Variants in CAPN2 observed in about 807,000 individuals in gnomAD.
CAPN2 encodes the protein calpain-2 catalytic subunit.
CAPN2 carries 92 observed loss-of-function variants against 102.3 expected under a neutral mutation model. The observed-to-expected ratio is 0.90, with a 90% CI of 0.76 to 1.07. The LOEUF is 1.07. Ranked by LOEUF, CAPN2 falls within the 50% of genes least tolerant of loss-of-function variation. The probability of loss-of-function intolerance (pLI) is 0.00; values close to 1 mark genes in which losing one functional copy is unlikely to be tolerated. For missense variants in CAPN2, 800 were observed against 909.4 expected, an observed-to-expected ratio of 0.88 and a Z score of 1.55; for synonymous variants, 340 against 355.4, an observed-to-expected ratio of 0.96 and a Z score of 0.49.
At position 223,774,991 on chromosome 1, in the gene CAPN2, A is replaced by G. The variant is rs1239062295; in HGVS notation, c.*134A>G. 7 of 749,244 alleles carry G rather than the reference A, an allele frequency of 9.3e-6. No homozygotes were observed. The East Asian group carries it at 1.7e-4, about 19-fold the overall frequency. The allele number at this position is 749,244 out of a possible 1,614,324, so 46.4% of individuals were successfully genotyped here. ...ACTTAAACGGATGATCATAGCTGAAAATAATGATACTGTCAATTTGAGATA... is the reference window on the plus strand; with the variant it reads ...ACTTAAACGGATGATCATAGCTGAAGATAATGATACTGTCAATTTGAGATA... On this transcript the variant is annotated 3_prime_UTR_variant, in exon 21 of 21. Transcript: ENST00000295006.
chr1:223,765,421 G>A (rs961879466), intron 15 of CAPN2, among the ~76,000 whole-genome samples: 48 of 152,218 alleles, frequency 3.2e-4, no homozygotes, highest in African/African-American at 1.1e-3. Flanking sequence ...TTACCCTGGA[G>A]GCCACCAGGC....
intron 6 of CAPN2, 88 bp downstream of exon 6, chr1:223,749,210 C>A: frequency 1.7e-6 from 2 of 1,174,584 alleles, no homozygotes; most frequent in Non-Finnish European, 2.5e-6. Context: ...GGGGCCCGCG[C>A]GGCCCCACGG....
chr1:223,706,919 A>G (rs1470635624), intron 1 of CAPN2, among the ~76,000 whole-genome samples: 1 of 152,042 alleles, frequency 6.6e-6, no homozygotes, highest in African/African-American at 2.4e-5. Flanking sequence ...GTCTCTATTA[A>G]AAATACAAAA....
rs1356984697 is a variant in CAPN2 at position 223,727,459 on chromosome 1, G to A, written c.307+9628G>A. On this transcript the variant is annotated intron_variant, in intron 2 of 20. Transcript: ENST00000295006. This position sits in a 1 kb window ranked among gnomAD's most constrained non-coding sequence, Gnocchi z 4.1. ...CCTGGGGGCTTGGCGGAGTTGGGGG[G>A]TGCATGGAATGCCCCCAGTTGAGAA... Among the ~76,000 whole-genome samples, 9 of 152,114 alleles carry A rather than the reference G, an allele frequency of 5.9e-5. No homozygotes were observed. Among genetic ancestry groups the A allele is most frequent in the Non-Finnish European group, 1.0e-4 (7 of 68,022 alleles).
chr1:223,707,342 G>C lies in CAPN2; in HGVS notation c.3+5511G>C, dbSNP rs537455515. On this transcript the variant is annotated intron_variant, in intron 1 of 20. Coordinates refer to the CAPN2 transcript ENST00000433674. ...AGTGGCCCAGACCCAGGCAGTTCTG[G>C]ATAATCCCAGCTGTTTCTGACTCAC... Among the ~76,000 whole-genome samples the C allele has an allele frequency of 3.3e-4, 50 of 151,824 alleles. No homozygotes were observed. The South Asian group carries it at 0.01, about 31-fold the overall frequency.
chr1:223,730,780 C>T (rs1260531102), intron 2 of CAPN2, among the ~76,000 whole-genome samples: 3 of 152,194 alleles, frequency 2.0e-5, no homozygotes, highest in African/African-American at 7.2e-5. Flanking sequence ...ATCCCCTTGA[C>T]TAAGGGGGCA....
chr1:223,725,492 T>C lies in CAPN2; in HGVS notation c.307+7661T>C, dbSNP rs1322801307. 6.6e-6 allele frequency among the ~76,000 whole-genome samples: 1 copy of C among 152,220 alleles called. No homozygotes were observed. Among genetic ancestry groups the C allele is most frequent in the African/African-American group, 2.4e-5 (1 of 41,454 alleles). On this transcript the variant is annotated intron_variant, in intron 2 of 20. Coordinates refer to ENST00000295006, the MANE Select transcript of CAPN2 (RefSeq NM_001748.5). This position sits in a 1 kb window ranked among gnomAD's most constrained non-coding sequence, Gnocchi z 4.1. The stretch of plus-strand genomic sequence containing the variant: ...TGGTACATAGTAAAGGTTTAATCCA[T>C]GCAGATTGCACGTTCTCTTTGGGGA...
Position 223,712,693 on chromosome 1 carries a change from T to C in CAPN2, c.53T>C (p.Leu18Pro). The change falls in exon 1 of 21, where the codon CTG (leucine) becomes CCG (proline). Residue 18 changes from leucine to proline, a missense_variant. By Grantham distance (98) the Leu-to-Pro change is moderately conservative. Coordinates refer to ENST00000295006, the MANE Select transcript of CAPN2 (RefSeq NM_001748.5). ...AAGGACCGGGAGGCGGCCGAGGGGC[T>C]GGGCTCCCACGACAGGGCCATCAAG... Reference protein sequence around the residue: ...LAKDREAAEGLGSHDRAIKYL... With the variant: ...LAKDREAAEGPGSHDRAIKYL... 6.4e-7 allele frequency: 1 copy of C among 1,571,132 alleles called. No homozygotes were observed. Among genetic ancestry groups the C allele is most frequent in the South Asian group, 1.2e-5 (1 of 84,926 alleles).
At chr1:223,711,511 G>A (rs1344290305), upstream of CAPN2, among the ~76,000 whole-genome samples, 1 of 152,202 alleles carries the variant, frequency 6.6e-6, no homozygotes, top group Non-Finnish European at 1.5e-5. Context: ...GTATGCCCAT[G>A]CAATATTTGG....
chr1:223,758,625 AC>A (rs992629060), intron 11 of CAPN2: 1 of 150,472 alleles, frequency 6.6e-6, no homozygotes, highest in Non-Finnish European at 1.5e-5. Context: ...TGGATGTGAA[AC>A]CCCTGTGGGC....
chr1:223,714,621 TAAAA>T (rs373544472), intron 1 of CAPN2, among the ~76,000 whole-genome samples: 1 of 130,968 alleles, frequency 7.6e-6, no homozygotes, highest in African/African-American at 2.9e-5. Context: ...TATAAAAAAG[TAAAA>T]AAAAAAAAAA....
intron 2 of CAPN2, among the ~76,000 whole-genome samples, chr1:223,741,421 GTATATATATATATAA>G (rs1660607261): frequency 7.8e-6 from 1 of 128,488 alleles, no homozygotes; most frequent in African/African-American, 3.2e-5. Context: ...GCTGTAAAAT[GTATATATATATATAA>G]TGTGTATATA....
rs17600 is a variant in CAPN2, at chr1:223,747,018, G to A, written c.582G>A (p.Ala194=). The change falls in exon 5 of 21, where the codon GCG becomes GCA. Residue 194 remains alanine (A), a synonymous_variant. Transcript: ENST00000295006. ...GTAGGATCAACGGATGCTATGAAGC[G>A]CTATCAGGGGGTGCCACCACTGAGG... ...AYAKINGCYE[A]LSGGATTEGF... is the part of the protein sequence containing the mutation. 0.87 allele frequency: 1,401,778 copies of A among 1,613,238 alleles called. 621,133 individuals are homozygous for A. The highest frequency in any genetic ancestry group is 0.93 in the South Asian group (84,281 of 91,026).
intron 2 of CAPN2, among the ~76,000 whole-genome samples, chr1:223,720,544 T>G (rs542315732): frequency 6.6e-6 from 1 of 152,146 alleles, no homozygotes; most frequent in Non-Finnish European, 1.5e-5. Context: ...CTTGAACTTC[T>G]GAGCTCAAGT....
intron 2 of CAPN2, among the ~76,000 whole-genome samples, chr1:223,740,311 A>G (rs554046241): frequency 5.4e-4 from 83 of 152,320 alleles, no homozygotes; most frequent in African/African-American, 2.0e-3. Flanking sequence ...TTACTCAGCA[A>G]GGACATTTTT....
rs748380431 is a variant in CAPN2 at position 223,752,808 on chromosome 1, T to C, written c.987T>C (p.Ser329=). The C allele has an allele frequency of 1.5e-5, 25 of 1,614,106 alleles. No individual in the cohort carries two copies. Among genetic ancestry groups the C allele is most frequent in the Non-Finnish European group, 2.0e-5 (24 of 1,179,976 alleles). ...CTGCTTTTGCCAGGATGTCTTTCAG[T>C]GACTTCCTGAGGCACTATTCCCGCC... ...HEDGEFWMSF[S]DFLRHYSRLE... is the part of the protein sequence containing the mutation. The change falls in exon 9 of 21, where the codon AGT becomes AGC. Residue 329 remains serine, a synonymous_variant. Transcript: ENST00000295006.
intron 1 of CAPN2, among the ~76,000 whole-genome samples, chr1:223,717,187 C>A (rs1659899893): frequency 1.3e-5 from 2 of 152,112 alleles, no homozygotes; most frequent in Admixed American, 1.3e-4. Flanking sequence ...GTTAGGAAAT[C>A]AGAGTAATAC....
In CAPN2 at chr1:223,771,844, G is replaced by A. The variant is rs780790902; in HGVS notation, c.1939G>A (p.Val647Ile). Residue 647 changes from valine to isoleucine, a missense_variant, in exon 19 of 21, where the codon GTT becomes ATT. Physicochemically the swap from Val to Ile is conservative, Grantham distance 29. Coordinates refer to ENST00000295006, the MANE Select transcript of CAPN2 (RefSeq NM_001748.5). ...KMPCQLHQVI[V>I]ARFADDQLII... Reference sequence around the variant, plus strand: ...GCCCTGTCAACTCCACCAAGTCATCGTTGCTCGGTTTGCAGATGACCAGCT... The same window carrying A: ...GCCCTGTCAACTCCACCAAGTCATCATTGCTCGGTTTGCAGATGACCAGCT... 11 of 1,613,924 alleles carry A rather than the reference G, an allele frequency of 6.8e-6. No homozygotes were observed. Among genetic ancestry groups the A allele is most frequent in the East Asian group, 2.2e-5 (1 of 44,900 alleles).
intron 11 of CAPN2, chr1:223,758,530 T>C (rs1282334779): frequency 6.6e-6 from 1 of 152,376 alleles, no homozygotes; most frequent in Non-Finnish European, 1.5e-5. Flanking sequence ...TCCTGCCATG[T>C]GGACGCTGTT....
Sources: allele counts gnomAD v4.1 joint callset (sites outside exome capture counted in the v4.1 genomes callset), GRCh38; gene constraint gnomAD v4.1.1; non-coding constraint Gnocchi (gnomAD v3.1); transcripts MANE v1.5; gene names NCBI Gene and HGNC (gene_info 2026-07-23, HGNC 2026-07-21).